The following DOT1L variants were observed in gnomAD, a reference collection of about 807,000 sequenced individuals.
DOT1L encodes the protein histone-lysine N-methyltransferase, H3 lysine-79 specific.
DOT1L carries 33 observed loss-of-function variants against 153.3 expected under a neutral mutation model. The observed-to-expected ratio is 0.22, with a 90% CI of 0.16 to 0.29. The LOEUF (loss-of-function observed/expected upper bound fraction) is 0.29. DOT1L is among the 10% of genes least tolerant of loss of function. The pLI is 1.00. For synonymous variants in DOT1L, 1,135 were observed against 965.1 expected, an observed-to-expected ratio of 1.18 and a Z score of -3.26; for missense variants, 1,847 against 2,119.9, an observed-to-expected ratio of 0.87 and a Z score of 2.53.
chr19:2,227,676 GCT>G (rs1251513160), intron 27 of DOT1L: 1 of 1,286,278 alleles, frequency 7.8e-7, no homozygotes, highest in Non-Finnish European at 1.0e-6. Context: ...TGCGGCTGCT[GCT>G]CTGCGCTTGC....
Position 2,216,631 on chromosome 19 carries a change from G to A in DOT1L, c.2274G>A (p.Pro758=), listed in dbSNP as rs554988360. Residue 758 remains proline (P), a synonymous_variant, in exon 20 of 28, where the codon CCG becomes CCA. Coordinates refer to ENST00000398665, the MANE Select transcript of DOT1L (RefSeq NM_032482.3). ...VPCTPSHVGR[P]RLEKLSGLAA... ...GTACCCCTAGCCACGTCGGCCGGCCGCGCCTGGAGAAGCTGTCTGGCCTAG... is the reference window on the plus strand; with the variant it reads ...GTACCCCTAGCCACGTCGGCCGGCCACGCCTGGAGAAGCTGTCTGGCCTAG... The A allele has an allele frequency of 9.3e-5, 149 of 1,605,828 alleles. 2 individuals are homozygous for A. In the South Asian group the frequency reaches 1.3e-3, roughly 14 times the overall value.
In DOT1L at chr19:2,231,850, T is replaced by G; in HGVS notation, c.*2058T>G. ...GGTCCTGCAGATGGCCATGCAGGGC[T>G]CCTGCCCACGCAGGCCACCGTATGT... On this transcript the variant is annotated 3_prime_UTR_variant, in exon 28 of 28. Coordinates refer to ENST00000398665, the MANE Select transcript of DOT1L (RefSeq NM_032482.3). The G allele has an allele frequency of 4.5e-6, 1 of 220,012 alleles. No homozygotes were observed. Among genetic ancestry groups the G allele is most frequent in the Non-Finnish European group, 9.1e-6 (1 of 109,730 alleles). The allele number at this position is 220,012 out of a possible 1,614,324, so 13.6% of individuals were successfully genotyped here.
At chr19:2,176,529 G>A (rs746209948) in intron 1 of DOT1L, among the ~76,000 whole-genome samples, 3 of 152,192 alleles carry the variant, frequency 2.0e-5, no homozygotes, top group Admixed American at 6.5e-5. Context: ...AGGTGACACC[G>A]CTGTCAATCA....
In DOT1L at chr19:2,210,807, G is replaced by C. The variant is rs1198258224; in HGVS notation, c.1303G>C (p.Ala435Pro). 1.9e-6 allele frequency: 3 copies of C among 1,612,782 alleles called. No individual in the cohort carries two copies. In the East Asian group the frequency reaches 6.7e-5, roughly 36 times the overall value. The change falls in exon 14 of 28, where the codon GCC (alanine) becomes CCC (proline). Residue 435 changes from alanine to proline, a missense_variant. Around this residue, in one of 8 missense-constraint regions of DOT1L, gnomAD observed 205 missense variants for 203.1 expected, o/e 1.01. Transcript: ENST00000398665. ...CAAGAAGAACCAAACTGCACTGGAT[G>C]CCCTGCACGCTCAGACCGTGTCTCA... is the stretch of plus-strand genomic sequence containing the variant. ...KPKKNQTALD[A>P]LHAQTVSQTA...
chr19:2,219,607 T>C (rs2024037680), intron 22 of DOT1L, among the ~76,000 whole-genome samples: 1 of 152,224 alleles, frequency 6.6e-6, no homozygotes, highest in Admixed American at 6.5e-5. Context: ...GTAGGTTTGC[T>C]CTTTGGCCCA....
Position 2,223,271 on chromosome 19 carries a change from C to G in DOT1L, c.3391-10C>G, listed in dbSNP as rs2024198494. The G allele has an allele frequency of 1.9e-6, 3 of 1,613,004 alleles. No individual in the cohort carries two copies. The highest frequency in any genetic ancestry group is 1.1e-5 in the South Asian group (1 of 91,048). On this transcript the variant is annotated splice_polypyrimidine_tract_variant and intron_variant, in intron 24 of 27. Transcript: ENST00000398665. ...TGGTATGTGCATCCATTGTGTCTGT[C>G]TGCCCTCAGGTCAGTAACATCAACC... is the stretch of plus-strand genomic sequence containing the variant.
At position 2,208,192 on chromosome 19, in the gene DOT1L, C is replaced by A. The variant is rs944588336; in HGVS notation, c.963+512C>A. Among the ~76,000 whole-genome samples, 3 of 152,140 alleles carry A rather than the reference C, an allele frequency of 2.0e-5. No individual in the cohort carries two copies. The highest frequency in any genetic ancestry group is 2.9e-5 in the Non-Finnish European group (2 of 68,000). ...TGCCTGCCTCCCACGGTGCTTCCCC[C>A]CCGGGCACGAGTATCCCGAGCCTCC... On this transcript the variant is annotated intron_variant, in intron 11 of 27. Coordinates refer to ENST00000398665, the MANE Select transcript of DOT1L (RefSeq NM_032482.3). This position sits in a 1 kb window ranked among gnomAD's most constrained non-coding sequence, Gnocchi z 4.4.
In DOT1L at chr19:2,230,367, T is replaced by C. The variant is rs1024605742; in HGVS notation, c.*575T>C. 1 of 409,906 alleles carries C rather than the reference T, an allele frequency of 2.4e-6. No individual in the cohort carries two copies. Among genetic ancestry groups the C allele is most frequent in the Non-Finnish European group, 4.3e-6 (1 of 233,446 alleles). 25.4% of individuals were successfully genotyped at this position (409,906 alleles called of 1,614,324 possible). On this transcript the variant is annotated 3_prime_UTR_variant, in exon 28 of 28. Coordinates refer to ENST00000398665, the MANE Select transcript of DOT1L (RefSeq NM_032482.3). Reference sequence around the variant, plus strand: ...TTCCTGAGCGCCCTGGCGCCTGCCCTGAGCTCTTCACCTTTACCCCGGCAC... The same window carrying C: ...TTCCTGAGCGCCCTGGCGCCTGCCCCGAGCTCTTCACCTTTACCCCGGCAC...
At chr19:2,202,073 C>T (rs535814356) in intron 8 of DOT1L, among the ~76,000 whole-genome samples, 1 of 152,370 alleles carries the variant, frequency 6.6e-6, no homozygotes, top group African/African-American at 2.4e-5. Flanking sequence ...CCTTGGCCAC[C>T]TGAGCTCAGC....
chr19:2,215,870 A>T, intron 19 of DOT1L: 1 of 164,938 alleles, frequency 6.1e-6, no homozygotes, highest in Non-Finnish European at 1.3e-5. Flanking sequence ...AAAGGAAAGC[A>T]GGTAAACAGA....
intron 2 of DOT1L, among the ~76,000 whole-genome samples, chr19:2,182,673 C>T (rs1161812348): frequency 2.6e-5 from 4 of 152,130 alleles, no homozygotes; most frequent in Admixed American, 6.5e-5. Flanking sequence ...TCTGACCAGG[C>T]GCTTGCTAGT....
rs1599639867 is a variant in DOT1L at position 2,232,147 on chromosome 19, C to A, written c.*2355C>A. 1 of 217,390 alleles carries A rather than the reference C, an allele frequency of 4.6e-6. No individual in the cohort carries two copies. Among genetic ancestry groups the A allele is most frequent in the East Asian group, 6.8e-5 (1 of 14,720 alleles). 13.5% of individuals were successfully genotyped at this position (217,390 alleles called of 1,614,324 possible). ...CGTGGGCAGCTGGCGGGGACCTGTG[C>A]TGCTGCTGCTGACTGTGGGTGGGCG... On this transcript the variant is annotated 3_prime_UTR_variant, in exon 28 of 28. Coordinates refer to ENST00000398665, the MANE Select transcript of DOT1L (RefSeq NM_032482.3).
chr19:2,205,066 G>A (rs1185081015), intron 9 of DOT1L, among the ~76,000 whole-genome samples: 1 of 152,064 alleles, frequency 6.6e-6, no homozygotes, highest in Non-Finnish European at 1.5e-5. Context: ...CGCCTCCCAG[G>A]TTCACGCCAT....
intron 27 of DOT1L, chr19:2,229,393 G>A (rs943581989): frequency 2.0e-6 from 2 of 985,378 alleles, no homozygotes; most frequent in African/African-American, 3.5e-5. Context: ...AAGGAGAGGA[G>A]GACTGGGAGC....
rs566948508 is a variant in DOT1L, at chr19:2,224,602, G to C, written c.3597-786G>C. Among the ~76,000 whole-genome samples, 41 of 151,766 alleles carry C rather than the reference G, an allele frequency of 2.7e-4. 1 individual carries two copies. The highest frequency in any genetic ancestry group is 9.4e-4 in the African/African-American group (39 of 41,324). On this transcript the variant is annotated intron_variant, in intron 25 of 27. Coordinates refer to ENST00000398665, the MANE Select transcript of DOT1L (RefSeq NM_032482.3). ...CTGCCTCAGCCTCCTGAGTAGTTGT[G>C]TCTACAGGCACACGCTACCACCGTG...
rs1568365658 is a variant in DOT1L at position 2,220,401 on chromosome 19, G to C, written c.2806+179G>C. On this transcript the variant is annotated intron_variant, in intron 23 of 27. Coordinates refer to ENST00000398665, the MANE Select transcript of DOT1L (RefSeq NM_032482.3). This position sits in a 1 kb window ranked among gnomAD's most constrained non-coding sequence, Gnocchi z 4.5. Reference sequence around the variant, plus strand: ...CCTGCATCCCACGAGCTGGGATGCGGATCGGGCTCAGCTGCAGCCATCTCG... The same window carrying C: ...CCTGCATCCCACGAGCTGGGATGCGCATCGGGCTCAGCTGCAGCCATCTCG... 1.4e-6 allele frequency: 1 copy of C among 713,622 alleles called. No homozygotes were observed. The highest frequency in any genetic ancestry group is 2.0e-5 in the Admixed American group (1 of 49,450). 44.2% of individuals were successfully genotyped at this position (713,622 alleles called of 1,614,324 possible).
intron 24 of DOT1L, 26 bp from the exon 25 acceptor site, chr19:2,223,255 C>T (rs2024197809): frequency 6.2e-7 from 1 of 1,611,540 alleles, no homozygotes; most frequent in Middle Eastern, 1.6e-4. Flanking sequence ...GTGGTATGTG[C>T]ATCCATTGTG....
At chr19:2,196,128 C>T (rs141884444) in intron 7 of DOT1L, among the ~76,000 whole-genome samples, 139 of 152,380 alleles carry the variant, frequency 9.1e-4, no homozygotes, top group Non-Finnish European at 1.7e-3. Flanking sequence ...CTGCCTAGCA[C>T]GCGCCCCTGT....
intron 2 of DOT1L, among the ~76,000 whole-genome samples, chr19:2,184,949 G>A (rs1161742067): frequency 6.6e-6 from 1 of 152,164 alleles, no homozygotes; most frequent in Non-Finnish European, 1.5e-5. Context: ...TTTCTTTCCA[G>A]CCCTTTGCGT....
Sources: allele counts gnomAD v4.1 joint callset (sites outside exome capture counted in the v4.1 genomes callset), GRCh38; gene constraint gnomAD v4.1.1; regional missense constraint gnomAD v4.1.1; non-coding constraint Gnocchi (gnomAD v3.1); transcripts MANE v1.5; gene names NCBI Gene and HGNC (gene_info 2026-07-23, HGNC 2026-07-21).